Variants in ITPRID1 observed in about 807,000 individuals in gnomAD.
ITPRID1 encodes the protein protein ITPRID1.
A neutral mutation model predicts 95.4 loss-of-function variants in ITPRID1; 96 were observed. The observed-to-expected ratio is 1.01, with a 90% CI of 0.85 to 1.19. The LOEUF (loss-of-function observed/expected upper bound fraction) is 1.19, where lower values mean the gene tolerates loss of function less well. ITPRID1 is among the 50% of genes most tolerant of loss of function. The probability of loss-of-function intolerance (pLI) is 0.00; values close to 1 mark genes in which losing one functional copy is unlikely to be tolerated. For missense variants in ITPRID1, 1,339 were observed against 1,252.9 expected (o/e 1.07, Z -1.04); for synonymous variants, 510 against 453.6 (o/e 1.12, Z -1.58).
At chr7:31,625,177 A>G (rs529235342) in intron 10 of ITPRID1, among the ~76,000 whole-genome samples, 1 of 152,234 alleles carries the variant, frequency 6.6e-6, no homozygotes, top group Non-Finnish European at 1.5e-5. Context: ...TGTTGGTGGG[A>G]CTGTAAACTA....
chr7:31,606,047 A>G (rs1253731523), intron 10 of ITPRID1, among the ~76,000 whole-genome samples: 1 of 152,208 alleles, frequency 6.6e-6, no homozygotes, highest in African/African-American at 2.4e-5. Flanking sequence ...ACATAATATG[A>G]ATGTGTAGAT....
At chr7:31,573,488 T>C (rs1044496151) in intron 7 of ITPRID1, among the ~76,000 whole-genome samples, 2 of 152,158 alleles carry the variant, frequency 1.3e-5, no homozygotes, top group African/African-American at 4.8e-5. Flanking sequence ...TTGTTGAATG[T>C]GTAAATGGCT....
intron 13 of ITPRID1, among the ~76,000 whole-genome samples, chr7:31,651,607 A>T (rs896075638): frequency 4.6e-5 from 7 of 152,150 alleles, no homozygotes; most frequent in African/African-American, 1.7e-4. Flanking sequence ...GATGGAAATC[A>T]GGTTTAACTG....
intron 1 of ITPRID1, among the ~76,000 whole-genome samples, chr7:31,530,788 A>G (rs1783571143): frequency 6.6e-6 from 1 of 152,016 alleles, no homozygotes; most frequent in Admixed American, 6.6e-5. Flanking sequence ...TAATTATAAC[A>G]AGTCCAGAGT....
At position 31,651,973 on chromosome 7, in the gene ITPRID1, G is replaced by A; in HGVS notation, c.2746G>A (p.Ala916Thr). ...EAEQLQTLRE[A>T]LRQQVAELEF... ...CGAGCAACTGCAAACGTTACGTGAGGCCCTGAGGCAGCAGGTGGCAGAGTT... is the reference window on the plus strand; with the variant it reads ...CGAGCAACTGCAAACGTTACGTGAGACCCTGAGGCAGCAGGTGGCAGAGTT... Residue 916 changes from alanine to threonine, a missense_variant, in exon 14 of 15, where the codon GCC becomes ACC. Transcript: ENST00000615280. 6.2e-7 allele frequency: 1 copy of A among 1,604,406 alleles called. No individual in the cohort carries two copies.
intron 1 of ITPRID1, among the ~76,000 whole-genome samples, chr7:31,546,420 T>C (rs1399296233): frequency 6.6e-6 from 1 of 151,948 alleles, no homozygotes; most frequent in East Asian, 1.9e-4. Flanking sequence ...TGTGTGTGCG[T>C]GCGCATATAA....
intron 10 of ITPRID1, among the ~76,000 whole-genome samples, chr7:31,599,609 C>CT (rs1491058393): frequency 4.1e-5 from 2 of 49,212 alleles, no homozygotes; most frequent in East Asian, 1.7e-3. Context: ...TTCTTTCTTT[C>CT]TTTCTTTCTT....
chr7:31,608,181 C>T (rs534898983), intron 10 of ITPRID1, among the ~76,000 whole-genome samples: 1 of 152,140 alleles, frequency 6.6e-6, no homozygotes, highest in African/African-American at 2.4e-5. Context: ...AATGTACAAT[C>T]TTATTTCTAA....
intron 1 of ITPRID1, among the ~76,000 whole-genome samples, chr7:31,540,348 C>T (rs1478662591): frequency 4.6e-5 from 7 of 152,222 alleles, no homozygotes; most frequent in Admixed American, 1.3e-4. Context: ...TTAGAGGCAG[C>T]GCCTGCTGAA....
intron 10 of ITPRID1, among the ~76,000 whole-genome samples, chr7:31,598,570 C>CT (rs1786201910): frequency 1.3e-5 from 2 of 151,738 alleles, no homozygotes; most frequent in South Asian, 2.1e-4. Context: ...CGCCCGGCTA[C>CT]TTTTTTGTAT....
chr7:31,558,223 C>T (rs1486834190), intron 5 of ITPRID1, among the ~76,000 whole-genome samples: 1 of 152,172 alleles, frequency 6.6e-6, no homozygotes, highest in Non-Finnish European at 1.5e-5. Flanking sequence ...TCTTGGACTT[C>T]CCAGCCTCCA....
chr7:31,554,930 G>T, intron 5 of ITPRID1, 29 bp downstream of exon 5: 1 of 1,518,628 alleles, frequency 6.6e-7, no homozygotes, highest in Non-Finnish European at 9.0e-7. Flanking sequence ...TTATGCTTTG[G>T]GAAGCTGAGT....
At chr7:31,637,913 A>G (rs38385) in intron 10 of ITPRID1, among the ~76,000 whole-genome samples, 23,857 of 152,154 alleles carry the variant, frequency 0.16, 2,353 homozygotes, top group Non-Finnish European at 0.2. Flanking sequence ...TAATTTTTGT[A>G]TAAGGTGTAA....
chr7:31,553,149 C>A lies in ITPRID1; in HGVS notation c.125C>A (p.Pro42His). The A allele has an allele frequency of 6.3e-7, 1 of 1,590,580 alleles. No individual in the cohort carries two copies. The highest frequency in any genetic ancestry group is 1.7e-4 in the Middle Eastern group (1 of 6,036). The change falls in exon 3 of 15, where the codon CCT becomes CAT. Residue 42 changes from proline (P) to histidine (H), a missense_variant. Coordinates refer to ENST00000615280, the MANE Select transcript of ITPRID1 (RefSeq NM_001257967.3). Reference sequence around the variant, plus strand: ...CTGGATGAGTGGCTGCCCCCTGACCCTGAGGAGGAAAGCCAGAGTCTCACC... The same window carrying A: ...CTGGATGAGTGGCTGCCCCCTGACCATGAGGAGGAAAGCCAGAGTCTCACC... Reference protein sequence around the residue: ...APLDEWLPPDPEEESQSLTIP... With the variant: ...APLDEWLPPDHEEESQSLTIP...
intron 10 of ITPRID1, among the ~76,000 whole-genome samples, chr7:31,612,709 C>G (rs1424668069): frequency 6.6e-6 from 1 of 152,028 alleles, no homozygotes. Flanking sequence ...TTCAATGCTC[C>G]ACCTATTTAC....
chr7:31,546,306 A>G (rs2128134482), intron 1 of ITPRID1, among the ~76,000 whole-genome samples: 1 of 152,236 alleles, frequency 6.6e-6, no homozygotes, highest in East Asian at 1.9e-4. Flanking sequence ...AGGTAAAAGA[A>G]GGTATTTACT....
In ITPRID1 at chr7:31,643,239, T is replaced by A. The variant is rs38397; in HGVS notation, c.1869T>A (p.Ser623Arg). Residue 623 changes from serine to arginine, a missense_variant, in exon 12 of 15, where the codon AGT becomes AGA. Ser to Arg is a moderately radical substitution (Grantham distance 110, BLOSUM62 -1). Transcript: ENST00000615280. ...AGGCCCCACGAGAAGAGGAAAGCAG[T>A]GGATTCTGTCCTCACACCAACCACA... ...DSEAPREEES[S>R]GFCPHTNHSL... is the part of the protein sequence containing the mutation. The A allele has an allele frequency of 6.2e-6, 10 of 1,613,550 alleles. No homozygotes were observed. In the South Asian group the frequency reaches 9.9e-5, roughly 16 times the overall value.
At chr7:31,521,620 C>CTTCCTTCCTTCCT (rs1384409665) in intron 1 of ITPRID1, among the ~76,000 whole-genome samples, 2 of 69,728 alleles carry the variant, frequency 2.9e-5, no homozygotes, top group Non-Finnish European at 6.0e-5. Context: ...TCTCCTTTCC[C>CTTCCTTCCTTCCT]TCCTTCCTTC....
intron 1 of ITPRID1, among the ~76,000 whole-genome samples, chr7:31,525,298 T>C (rs1783388884): frequency 6.6e-6 from 1 of 152,178 alleles, no homozygotes; most frequent in Non-Finnish European, 1.5e-5. Flanking sequence ...CTTTGTCAAA[T>C]ACAGGGTGTC....
Sources: gnomAD v4.1 joint callset for allele counts (sites outside exome capture counted in the v4.1 genomes callset) on GRCh38, gnomAD v4.1.1 for gene constraint, MANE v1.5 for transcripts, NCBI Gene and HGNC (gene_info 2026-07-23, HGNC 2026-07-21) for gene names.